The following RABGAP1L variants were observed in gnomAD, a reference collection of about 807,000 sequenced individuals.
The protein encoded by RABGAP1L is rab GTPase-activating protein 1-like.
A neutral mutation model predicts 137.7 loss-of-function variants in RABGAP1L; 63 were observed. That is an observed-to-expected ratio of 0.46 (90% CI 0.37 to 0.56). The LOEUF (loss-of-function observed/expected upper bound fraction) is 0.56. RABGAP1L is among the 20% of genes least tolerant of loss of function. RABGAP1L has a pLI of 0.00. For synonymous variants in RABGAP1L, 431 were observed against 433.7 expected (o/e 0.99, Z 0.08); for missense variants, 1,095 against 1,244.0 (o/e 0.88, Z 1.80).
At chr1:174,554,568 T>G (rs1666754957) in intron 13 of RABGAP1L, among the ~76,000 whole-genome samples, 1 of 152,206 alleles carries the variant, frequency 6.6e-6, no homozygotes, top group Non-Finnish European at 1.5e-5. Context: ...TAATATGTTT[T>G]ATAGGATGAA....
intron 14 of RABGAP1L, among the ~76,000 whole-genome samples, chr1:174,646,472 T>C (rs1243295058): frequency 6.6e-6 from 1 of 152,194 alleles, no homozygotes; most frequent in East Asian, 1.9e-4. Flanking sequence ...ATAGGAATAC[T>C]TTCCCCATTG....
chr1:174,492,010 C>CA (rs1660284073), intron 13 of RABGAP1L, among the ~76,000 whole-genome samples: 1 of 152,094 alleles, frequency 6.6e-6, no homozygotes, highest in Admixed American at 6.6e-5. Context: ...TTCAATGCCT[C>CA]TTTCTGTAAT....
chr1:174,319,834 A>G (rs566141791), intron 11 of RABGAP1L, among the ~76,000 whole-genome samples: 18 of 152,260 alleles, frequency 1.2e-4, no homozygotes, highest in Admixed American at 9.2e-4. Context: ...GTGATAGAGT[A>G]ATTAATTGAT....
At chr1:174,630,363 T>G (rs1426854679) in intron 13 of RABGAP1L, among the ~76,000 whole-genome samples, 2 of 73,958 alleles carry the variant, frequency 2.7e-5, no homozygotes, top group Admixed American at 3.0e-4. Context: ...CTTTTTTGGT[T>G]GTGTCTCTGC....
intron 13 of RABGAP1L, among the ~76,000 whole-genome samples, chr1:174,443,998 A>G (rs1340708488): frequency 6.6e-6 from 1 of 151,794 alleles, no homozygotes; most frequent in African/African-American, 2.4e-5. Flanking sequence ...ATAAATGTGT[A>G]GATTTATTTC....
chr1:174,563,289 T>G (rs571763949), intron 13 of RABGAP1L, among the ~76,000 whole-genome samples: 1 of 152,330 alleles, frequency 6.6e-6, no homozygotes, highest in South Asian at 2.1e-4. Flanking sequence ...GAAAAAAGAT[T>G]TCAATTTGCA....
intron 19 of RABGAP1L, among the ~76,000 whole-genome samples, chr1:174,854,522 C>T (rs1573519697): frequency 1.3e-5 from 2 of 151,758 alleles, no homozygotes; most frequent in East Asian, 1.9e-4. Flanking sequence ...TCATAGATGC[C>T]AAATGCCCAT....
chr1:174,811,562 C>A (rs1338907726), intron 18 of RABGAP1L, among the ~76,000 whole-genome samples: 1 of 152,230 alleles, frequency 6.6e-6, no homozygotes, highest in African/African-American at 2.4e-5. Flanking sequence ...TTGCCAGGAA[C>A]CATCATTCTA....
intron 13 of RABGAP1L, among the ~76,000 whole-genome samples, chr1:174,481,445 C>T (rs186079540): frequency 3.7e-4 from 56 of 152,318 alleles, no homozygotes; most frequent in African/African-American, 1.3e-3. Flanking sequence ...CCTCTATACT[C>T]GTCTCTGCCT....
At chr1:174,689,813 T>G (rs1382124317) in intron 15 of RABGAP1L, among the ~76,000 whole-genome samples, 1 of 152,066 alleles carries the variant, frequency 6.6e-6, no homozygotes, top group African/African-American at 2.4e-5. Flanking sequence ...CATCAGCCCC[T>G]CCTAAACAAT....
At chr1:174,657,425 A>G (rs1237590583) in intron 14 of RABGAP1L, among the ~76,000 whole-genome samples, 1 of 152,110 alleles carries the variant, frequency 6.6e-6, no homozygotes, top group Non-Finnish European at 1.5e-5. Flanking sequence ...AGCTTCTAGT[A>G]TCCTCTATTC....
At chr1:174,636,591 A>T (rs2148339056) in intron 13 of RABGAP1L, among the ~76,000 whole-genome samples, 1 of 151,836 alleles carries the variant, frequency 6.6e-6, no homozygotes, top group African/African-American at 2.4e-5. Context: ...TTGTGGAATC[A>T]GTTTGTTGGG....
chr1:174,500,949 T>A, intron 13 of RABGAP1L, among the ~76,000 whole-genome samples: 1 of 152,202 alleles, frequency 6.6e-6, no homozygotes, highest in Non-Finnish European at 1.5e-5. Context: ...CAAGTTGCTT[T>A]TTTTGTCATT....
At chr1:174,297,883 TGGCATGTTGGGTTTTTG>T (rs892245202) in intron 10 of RABGAP1L, among the ~76,000 whole-genome samples, 29 of 152,220 alleles carry the variant, frequency 1.9e-4, no homozygotes, top group African/African-American at 6.8e-4. Flanking sequence ...ACCCTTTTGC[TGGCATGTTGGGTTTTTG>T]GGTTCCCTTT....
At chr1:174,576,312 C>T (rs1469078971) in intron 13 of RABGAP1L, among the ~76,000 whole-genome samples, 2 of 152,044 alleles carry the variant, frequency 1.3e-5, no homozygotes, top group East Asian at 1.9e-4. Flanking sequence ...CTCATGCGTC[C>T]GTTTATAGGC....
chr1:174,643,939 G>GTGTA (rs745338599), intron 14 of RABGAP1L, among the ~76,000 whole-genome samples: 443 of 150,160 alleles, frequency 3.0e-3, no homozygotes, highest in Non-Finnish European at 4.7e-3. Flanking sequence ...GTGTGTGTGT[G>GTGTA]TGTATGTATG....
chr1:174,765,377 G>A (rs1046975141), intron 18 of RABGAP1L, among the ~76,000 whole-genome samples: 1 of 152,118 alleles, frequency 6.6e-6, no homozygotes, highest in African/African-American at 2.4e-5. Flanking sequence ...AGAAATGGCT[G>A]TTCAGATCCT....
intron 13 of RABGAP1L, among the ~76,000 whole-genome samples, chr1:174,406,682 C>G (rs1030226581): frequency 1.1e-4 from 16 of 151,910 alleles, no homozygotes; most frequent in Non-Finnish European, 2.2e-4. Flanking sequence ...ATGCTTTAAT[C>G]TCAATACTTT....
At chr1:174,504,131 C>A (rs1218940080) in intron 13 of RABGAP1L, among the ~76,000 whole-genome samples, 1 of 151,878 alleles carries the variant, frequency 6.6e-6, no homozygotes, top group East Asian at 1.9e-4. Context: ...AGCCACCATG[C>A]CTGGCTAATT....
Sources: gnomAD v4.1 joint callset for allele counts (sites outside exome capture counted in the v4.1 genomes callset) on GRCh38, gnomAD v4.1.1 for gene constraint, MANE v1.5 for transcripts, NCBI Gene and HGNC (gene_info 2026-07-23, HGNC 2026-07-21) for gene names.